The following CSMD1 variants were observed in gnomAD, a reference collection of about 807,000 sequenced individuals.
CSMD1 encodes CUB and Sushi multiple domains 1, also known as CUB and sushi domain-containing protein 1.
A neutral mutation model predicts 417.5 loss-of-function variants in CSMD1; 213 were observed. That is an observed-to-expected ratio of 0.51 (90% CI 0.46 to 0.57). The LOEUF (loss-of-function observed/expected upper bound fraction) is 0.57, where lower values mean the gene tolerates loss of function less well. Among genes scored for constraint, CSMD1 ranks in the 20% least tolerant of loss-of-function variants. The pLI is 0.00. For synonymous variants in CSMD1, 2,862 were observed against 1,736.8 expected (o/e 1.65, Z -16.11); for missense variants, 6,923 against 4,529.7 (o/e 1.53, Z -15.17).
chr8:3,348,223 T>A (rs937910432), intron 21 of CSMD1, 62 bp from the exon 22 acceptor site: 3 of 1,271,806 alleles, frequency 2.4e-6, no homozygotes, highest in Non-Finnish European at 3.3e-6. Context: ...TTTTAACAGA[T>A]TAAAAACTTT....
intron 5 of CSMD1, among the ~76,000 whole-genome samples, chr8:3,837,673 A>AC (rs1270260949): frequency 6.6e-6 from 1 of 152,156 alleles, no homozygotes; most frequent in Non-Finnish European, 1.5e-5. Context: ...AGGCACAGGG[A>AC]TGTCTGCTCT....
At chr8:3,355,019 C>T (rs1006624601) in intron 21 of CSMD1, among the ~76,000 whole-genome samples, 1 of 119,332 alleles carries the variant, frequency 8.4e-6, no homozygotes, top group Non-Finnish European at 1.7e-5. Context: ...AAAATACAGG[C>T]AAGATATTTT....
chr8:4,189,265 G>A (rs1028753461), intron 3 of CSMD1, among the ~76,000 whole-genome samples: 2 of 152,156 alleles, frequency 1.3e-5, no homozygotes, highest in African/African-American at 4.8e-5. Flanking sequence ...CATCTGTAGA[G>A]AAACACTTCC....
intron 3 of CSMD1, among the ~76,000 whole-genome samples, chr8:4,260,273 T>C (rs62481960): frequency 6.6e-6 from 1 of 152,154 alleles, no homozygotes; most frequent in Admixed American, 6.6e-5. Flanking sequence ...GTGAAATTAA[T>C]GTTTGTATTT....
intron 4 of CSMD1, among the ~76,000 whole-genome samples, chr8:3,998,324 C>A (rs998774558): frequency 2.0e-5 from 3 of 152,110 alleles, no homozygotes; most frequent in African/African-American, 4.8e-5. Flanking sequence ...AATTGAATGG[C>A]CATTGCGGGA....
At chr8:4,077,121 G>A (rs571957853) in intron 3 of CSMD1, among the ~76,000 whole-genome samples, 44 of 151,690 alleles carry the variant, frequency 2.9e-4, no homozygotes, top group African/African-American at 9.9e-4. Flanking sequence ...TTAGTGATGA[G>A]TATGATGAAG....
chr8:2,973,497 C>T (rs1189469483), intron 56 of CSMD1, among the ~76,000 whole-genome samples, 198 bp from the exon 57 acceptor site: 1 of 152,108 alleles, frequency 6.6e-6, no homozygotes. Flanking sequence ...ATGTGGCTCC[C>T]ATGTTACTAA....
intron 2 of CSMD1, among the ~76,000 whole-genome samples, chr8:4,436,547 C>CT (rs1157789390): frequency 2.6e-5 from 4 of 152,150 alleles, no homozygotes; most frequent in Non-Finnish European, 4.4e-5. Context: ...TCCGATCACA[C>CT]TGTAAGTTAT....
chr8:3,769,694 C>T (rs989655489), intron 5 of CSMD1, among the ~76,000 whole-genome samples: 2 of 152,048 alleles, frequency 1.3e-5, no homozygotes, highest in African/African-American at 4.8e-5. Context: ...TGTGTGAATT[C>T]TGTGAACTAT....
intron 1 of CSMD1, among the ~76,000 whole-genome samples, chr8:4,800,590 G>T (rs547992866): frequency 1.8e-4 from 27 of 152,362 alleles, no homozygotes; most frequent in African/African-American, 6.5e-4. Flanking sequence ...GCAGAGCAGG[G>T]AAGGACGCCT....
intron 2 of CSMD1, among the ~76,000 whole-genome samples, chr8:4,515,474 G>A (rs1803064361): frequency 6.6e-6 from 1 of 152,110 alleles, no homozygotes. Flanking sequence ...GGATTTAAAA[G>A]AACGTCTAGA....
chr8:3,648,052 G>A (rs1453863425), intron 7 of CSMD1, among the ~76,000 whole-genome samples: 1 of 152,218 alleles, frequency 6.6e-6, no homozygotes, highest in East Asian at 1.9e-4. Context: ...TACCTGCATG[G>A]TTGGAGATGG....
intron 40 of CSMD1, among the ~76,000 whole-genome samples, chr8:3,143,506 A>G (rs1818639554): frequency 6.6e-6 from 1 of 152,266 alleles, no homozygotes; most frequent in Non-Finnish European, 1.5e-5. Context: ...AATAAAAATA[A>G]TTGAGAGTTA....
chr8:4,730,190 G>C (rs575844846), intron 1 of CSMD1, among the ~76,000 whole-genome samples: 22 of 151,898 alleles, frequency 1.4e-4, no homozygotes, highest in Admixed American at 3.9e-4. Context: ...GAAAGGGATG[G>C]AAAAGAGGGA....
chr8:4,097,020 AC>A (rs1306758773), intron 3 of CSMD1, among the ~76,000 whole-genome samples: 3 of 152,074 alleles, frequency 2.0e-5, no homozygotes, highest in African/African-American at 7.2e-5. Flanking sequence ...TTATTTTTCC[AC>A]CCCCATCTTT....
intron 5 of CSMD1, among the ~76,000 whole-genome samples, chr8:3,918,908 G>C (rs1014807764): frequency 1.3e-5 from 2 of 150,328 alleles, no homozygotes; most frequent in Admixed American, 6.7e-5. Context: ...AAGGATAAAA[G>C]ACTACAAACT....
At chr8:4,929,061 C>T (rs62488179) in intron 1 of CSMD1, among the ~76,000 whole-genome samples, 9,113 of 152,104 alleles carry the variant, frequency 0.06, 373 homozygotes, top group Non-Finnish European at 0.077. Context: ...GACAAAGTGA[C>T]ACTCTATCTA....
rs74496994 is a variant in CSMD1, at chr8:4,258,790, T to C, written c.415+161163A>G. ...TTTAGAATGTGTAACCAGCTGAATA[T>C]TTAGAGGCAACTCTAAGGGCACAGC... On this transcript the variant is annotated intron_variant, in intron 3 of 69. Coordinates refer to ENST00000635120, the MANE Select transcript of CSMD1 (RefSeq NM_033225.6). 5.9e-3 allele frequency among the ~76,000 whole-genome samples: 894 copies of C among 152,174 alleles called. 9 individuals carry two copies. The highest frequency in any genetic ancestry group is 0.021 in the African/African-American group (857 of 41,504).
chr8:3,145,352 C>G (rs1818779399), intron 40 of CSMD1, among the ~76,000 whole-genome samples: 1 of 152,118 alleles, frequency 6.6e-6, no homozygotes, highest in Non-Finnish European at 1.5e-5. Flanking sequence ...ATGCAGACTT[C>G]AGATATATTT....
Sources: allele counts gnomAD v4.1 joint callset (sites outside exome capture counted in the v4.1 genomes callset), GRCh38; gene constraint gnomAD v4.1.1; transcripts MANE v1.5; gene names NCBI Gene and HGNC (gene_info 2026-07-23, HGNC 2026-07-21).